Variants in CAPN12 observed in about 807,000 individuals in gnomAD.
CAPN12 encodes calpain 12.
In CAPN12, 107 loss-of-function variants were observed where a neutral mutation model predicts 95.0. The ratio of observed to expected loss-of-function variants is 1.13; its 90% CI spans 0.96 to 1.32. The LOEUF is 1.32. Among genes scored for constraint, CAPN12 ranks in the 40% most tolerant of loss-of-function variants. The probability of loss-of-function intolerance (pLI) is 0.00; values close to 1 mark genes in which losing one functional copy is unlikely to be tolerated. For synonymous variants in CAPN12, 505 were observed against 415.5 expected, an observed-to-expected ratio of 1.22 and a Z score of -2.62; for missense variants, 1,136 against 997.8, an observed-to-expected ratio of 1.14 and a Z score of -1.87.
At position 38,744,073 on chromosome 19, in the gene CAPN12, G is replaced by A. The variant is rs748305959; in HGVS notation, c.93C>T (p.Ser31=). The stretch of plus-strand genomic sequence containing the variant: ...GGCAGGCTGCCCGAATTGCCTCATA[G>A]CTCTGGCCCCGAAAAAGCTGCAGGC... ...AGRLQLFRGQ[S]YEAIRAACLD... Residue 31 remains serine, a synonymous_variant, in exon 1 of 21, where the codon AGC becomes AGT. Coordinates refer to ENST00000328867, the MANE Select transcript of CAPN12 (RefSeq NM_144691.4). 6.2e-7 allele frequency: 1 copy of A among 1,614,184 alleles called. No homozygotes were observed.
At chr19:38,740,830 C>CG (rs1020301703) in intron 4 of CAPN12, among the ~76,000 whole-genome samples, 4 of 150,730 alleles carry the variant, frequency 2.7e-5, no homozygotes, top group Non-Finnish European at 4.4e-5. Flanking sequence ...AGACTCTTGA[C>CG]GGGGGGAACT....
rs1970153027 is a variant in CAPN12 at position 38,736,390 on chromosome 19, C to T, written c.1375-72G>A. On this transcript the variant is annotated intron_variant, in intron 11 of 20. Coordinates refer to ENST00000328867, the MANE Select transcript of CAPN12 (RefSeq NM_144691.4). ...TTCATCCCCGCACCCTCCAGCGCGC[C>T]CCGTCCACCCTGCCTAACCCCTGTC... 6.0e-6 allele frequency: 9 copies of T among 1,489,376 alleles called. No homozygotes were observed. In the Admixed American group the frequency reaches 1.5e-4, roughly 25 times the overall value. The allele number at this position is 1,489,376 out of a possible 1,614,324, so 92.3% of individuals were successfully genotyped here. A position where few individuals can be genotyped will look rare whatever the true frequency, so the allele number is the denominator to read the frequency against.
intron 8 of CAPN12, among the ~76,000 whole-genome samples, chr19:38,737,984 C>T (rs1171761461): frequency 6.6e-6 from 1 of 152,132 alleles, no homozygotes; most frequent in East Asian, 1.9e-4. Flanking sequence ...TATCACCAAG[C>T]CTTCCTCCAT....
Position 38,730,953 on chromosome 19 carries a change from C to T in CAPN12, c.2133+12G>A, listed in dbSNP as rs1202002310. The T allele has an allele frequency of 1.3e-6, 2 of 1,550,546 alleles. No homozygotes were observed. Among genetic ancestry groups the T allele is most frequent in the South Asian group, 1.2e-5 (1 of 84,070 alleles). On this transcript the variant is annotated intron_variant, in intron 20 of 20. Coordinates refer to ENST00000328867, the MANE Select transcript of CAPN12 (RefSeq NM_144691.4). The stretch of plus-strand genomic sequence containing the variant: ...AGAGCCTGAGCCACCCTGTCCCTCC[C>T]ACCTGGCTCACCTGTCTGTGGGTCA...
In CAPN12 at chr19:38,740,033, C is replaced by G. The variant is rs200001276; in HGVS notation, c.729+18G>C. ...CTGGTCCTGGTGGGGGTTCCGCATG[C>G]GAGTCCAGGTCTCTTACCAGGGCAG... is the stretch of plus-strand genomic sequence containing the variant. On this transcript the variant is annotated intron_variant, in intron 5 of 20. Transcript: ENST00000328867. 3.9e-6 allele frequency: 6 copies of G among 1,539,282 alleles called. No individual in the cohort carries two copies. The East Asian group carries it at 9.2e-5, about 24-fold the overall frequency.
intron 3 of CAPN12, chr19:38,742,143 G>A (rs919994124): frequency 9.6e-6 from 6 of 627,026 alleles, no homozygotes; most frequent in Admixed American, 5.9e-5. Flanking sequence ...GGCTAAGATG[G>A]TGAAATACCA....
At chr19:38,739,087 C>T (rs1379917563) in intron 5 of CAPN12, 1 of 209,726 alleles carries the variant, frequency 4.8e-6, no homozygotes, top group Admixed American at 5.3e-5. Context: ...GCTATGATGA[C>T]ACTACTGCAC....
chr19:38,735,285 C>T (rs370978687), intron 14 of CAPN12, 85 bp downstream of exon 14: 41 of 1,339,838 alleles, frequency 3.1e-5, no homozygotes, highest in Admixed American at 1.5e-4. Context: ...CAAAATGAGA[C>T]ACCTGAGATG....
chr19:38,739,016 C>T (rs1970390835), intron 5 of CAPN12: 1 of 318,606 alleles, frequency 3.1e-6, no homozygotes. Flanking sequence ...CCAGTGGTCC[C>T]AGCTACTCTG....
intron 2 of CAPN12, among the ~76,000 whole-genome samples, 159 bp downstream of exon 2, chr19:38,742,874 G>GAAAAAAAAAAAAAAAA (rs1970638714): frequency 1.0e-5 from 1 of 96,352 alleles, no homozygotes; most frequent in African/African-American, 3.7e-5. Context: ...AAAAAAAAAG[G>GAAAAAAAAAAAAAAAA]AAGGAAGGAA....
chr19:38,742,973 G>T (rs1271299762), intron 2 of CAPN12, 60 bp downstream of exon 2: 2 of 1,550,024 alleles, frequency 1.3e-6, no homozygotes, highest in African/African-American at 1.4e-5. Flanking sequence ...GGATGGAGCT[G>T]TCAGGATCTC....
At chr19:38,734,451 T>C in intron 15 of CAPN12, 62 bp from the exon 16 acceptor site, 1 of 1,413,494 alleles carries the variant, frequency 7.1e-7, no homozygotes, top group Non-Finnish European at 9.6e-7. Flanking sequence ...CTTTAAGGGC[T>C]GGGTGGATGT....
chr19:38,738,466 A>G lies in CAPN12; in HGVS notation c.842T>C (p.Leu281Pro). The change falls in exon 7 of 21, where the codon CTG becomes CCG. Residue 281 changes from leucine (L) to proline (P), a missense_variant. Transcript: ENST00000328867. ...LGFTKVRLLR[L>P]RNPWGCVEWT... Reference sequence around the variant, plus strand: ...CTCCACGCAGCCCCATGGGTTCCGCAGCCGCAGCAGCCGCACCTTGGTGAA... The same window carrying G: ...CTCCACGCAGCCCCATGGGTTCCGCGGCCGCAGCAGCCGCACCTTGGTGAA... 1 of 1,609,626 alleles carries G rather than the reference A, an allele frequency of 6.2e-7. No homozygotes were observed. The highest frequency in any genetic ancestry group is 8.5e-7 in the Non-Finnish European group (1 of 1,177,864).
chr19:38,738,767 C>A (rs538843147), intron 5 of CAPN12, 119 bp from the exon 6 acceptor site: 2 of 813,266 alleles, frequency 2.5e-6, no homozygotes, highest in African/African-American at 3.4e-5. Flanking sequence ...CTGAATGGCA[C>A]GCAGCTCAGA....
chr19:38,738,304 GGGCATCGC>G lies in CAPN12; in HGVS notation c.926_933del (p.Arg309ProfsTer64), dbSNP rs1408385876. 6.2e-7 allele frequency: 1 copy of G among 1,612,116 alleles called. No individual in the cohort carries two copies. The highest frequency in any genetic ancestry group is 1.1e-5 in the South Asian group (1 of 91,002). On this transcript the variant is annotated frameshift_variant, in exon 8 of 21. Coordinates refer to ENST00000328867, the MANE Select transcript of CAPN12 (RefSeq NM_144691.4). LOFTEE classifies it high-confidence loss of function. ...TCGCCATCCTCCTTTTTCACCAGCA[GGGCATCGC>G]GGCACTCGGTGGGGAGTGTGTCCCA...
In CAPN12 at chr19:38,741,862, G is replaced by A; in HGVS notation, c.475C>T (p.Pro159Ser). 6.2e-7 allele frequency: 1 copy of A among 1,613,996 alleles called. No homozygotes were observed. Among genetic ancestry groups the A allele is most frequent in the Non-Finnish European group, 8.5e-7 (1 of 1,180,006 alleles). The stretch of plus-strand genomic sequence containing the variant: ...AACATCAGCTTCCCCTCACGCACGG[G>A]CAGCCTGTCATCCACCACGACGTCC... Reference protein sequence around the residue: ...WMDVVVDDRLPVREGKLMFVR... With the variant: ...WMDVVVDDRLSVREGKLMFVR... Residue 159 changes from proline (P) to serine (S), a missense_variant, in exon 4 of 21, where the codon CCC becomes TCC. Pro to Ser is a moderately conservative substitution (Grantham distance 74). Transcript: ENST00000328867.
In CAPN12 at chr19:38,742,517, A is replaced by G; in HGVS notation, c.319T>C (p.Phe107Leu). Reference protein sequence around the residue: ...VCQGSLGNCWFLAAAASLTLY... With the variant: ...VCQGSLGNCWLLAAAASLTLY... ...GTAAGGGAGGCGGCAGCTGCAAGGA[A>G]CCAGCAGTTACCTGGGAGGAGAGGC... Residue 107 changes from phenylalanine (F) to leucine (L), a missense_variant, in exon 3 of 21, where the codon TTC (phenylalanine) becomes CTC (leucine). Physicochemically the swap from Phe to Leu is conservative, Grantham distance 22. Coordinates refer to ENST00000328867, the MANE Select transcript of CAPN12 (RefSeq NM_144691.4). 1 of 1,610,020 alleles carries G rather than the reference A, an allele frequency of 6.2e-7. No homozygotes were observed. The highest frequency in any genetic ancestry group is 1.7e-5 in the Admixed American group (1 of 59,388).
Position 38,736,333 on chromosome 19 carries a change from G to C in CAPN12, c.1375-15C>G. 1 of 1,449,628 alleles carries C rather than the reference G, an allele frequency of 6.9e-7. No individual in the cohort carries two copies. Among genetic ancestry groups the C allele is most frequent in the Non-Finnish European group, 9.1e-7 (1 of 1,101,804 alleles). 89.8% of individuals were successfully genotyped at this position (1,449,628 alleles called of 1,614,324 possible). A position where few individuals can be genotyped will look rare whatever the true frequency, so the allele number is the denominator to read the frequency against. ...AGGCCCAGCAGCTGGGGACGGGGCG[G>C]CATGACCACGGACCAGGCTCACCCC... On this transcript the variant is annotated splice_polypyrimidine_tract_variant and intron_variant, in intron 11 of 20. Coordinates refer to ENST00000328867, the MANE Select transcript of CAPN12 (RefSeq NM_144691.4).
At chr19:38,734,027 C>G (rs1969826198) in intron 17 of CAPN12, 115 bp downstream of exon 17, 3 of 1,161,830 alleles carry the variant, frequency 2.6e-6, no homozygotes, top group Non-Finnish European at 3.7e-6. Flanking sequence ...CTCTCCAAGT[C>G]AGCCTAGTCC....
Sources: gnomAD v4.1 joint callset for allele counts (sites outside exome capture counted in the v4.1 genomes callset) on GRCh38, gnomAD v4.1.1 for gene constraint, MANE v1.5 for transcripts, NCBI Gene and HGNC (gene_info 2026-07-23, HGNC 2026-07-21) for gene names.